Variants in SPON1 observed in about 807,000 individuals in gnomAD.
The protein encoded by SPON1 is spondin-1.
Under a neutral mutation model 111.7 loss-of-function variants are expected in SPON1, and 52 were observed. That is an observed-to-expected ratio of 0.47 (90% confidence interval 0.37 to 0.59). The LOEUF is 0.59. Among genes scored for constraint, SPON1 ranks in the 20% least tolerant of loss-of-function variants. SPON1 has a pLI of 0.00. For missense variants in SPON1, 957 were observed against 1,068.5 expected (o/e 0.90, Z 1.46); for synonymous variants, 410 against 395.8 (o/e 1.04, Z -0.43).
intron 6 of SPON1, among the ~76,000 whole-genome samples, chr11:14,209,363 C>T (rs1848549761): frequency 6.6e-6 from 1 of 150,888 alleles, no homozygotes; most frequent in South Asian, 2.1e-4. Context: ...CTGCACCCAT[C>T]AACCCATCAT....
At chr11:14,223,043 T>A (rs1205342638) in intron 6 of SPON1, among the ~76,000 whole-genome samples, 2 of 152,192 alleles carry the variant, frequency 1.3e-5, no homozygotes, top group African/African-American at 4.8e-5. Context: ...GTTGTCTCCA[T>A]TTTTTAAAAA....
At chr11:14,260,514 A>T in intron 13 of SPON1, 74 bp from the exon 14 acceptor site, 1 of 1,513,486 alleles carries the variant, frequency 6.6e-7, no homozygotes, top group Non-Finnish European at 9.0e-7. Flanking sequence ...TCGGTGTGGA[A>T]CACTGTGGGG....
At chr11:14,206,352 C>G (rs1554936200) in intron 6 of SPON1, among the ~76,000 whole-genome samples, 1 of 152,098 alleles carries the variant, frequency 6.6e-6, no homozygotes, top group Non-Finnish European at 1.5e-5. Context: ...CACTACCACA[C>G]CTGGGTAATT....
At position 14,205,965 on chromosome 11, in the gene SPON1, C is replaced by T. The variant is rs183663681; in HGVS notation, c.826-37367C>T. On this transcript the variant is annotated intron_variant, in intron 6 of 15. Coordinates refer to ENST00000576479, the MANE Select transcript of SPON1 (RefSeq NM_006108.4). ...TGCTACTTTCCCCATCCATCTTCAC[C>T]TGCTTGATTCCTGATATTTGAGTTT... Among the ~76,000 whole-genome samples the T allele has an allele frequency of 3.3e-5, 5 of 152,252 alleles. No homozygotes were observed. The East Asian group carries it at 9.6e-4, about 29-fold the overall frequency.
At chr11:14,136,049 T>G (rs1847588213) in intron 6 of SPON1, among the ~76,000 whole-genome samples, 1 of 152,222 alleles carries the variant, frequency 6.6e-6, no homozygotes, top group Non-Finnish European at 1.5e-5. Flanking sequence ...CTGTGTCCTA[T>G]GCTGTGTGGG....
At chr11:14,202,702 C>T (rs1373044406) in intron 6 of SPON1, among the ~76,000 whole-genome samples, 5 of 152,274 alleles carry the variant, frequency 3.3e-5, no homozygotes, top group East Asian at 1.9e-4. Context: ...CATGCTTAAC[C>T]GTTAGGGAAA....
At chr11:14,091,647 C>A (rs1206425956) in intron 5 of SPON1, among the ~76,000 whole-genome samples, 1 of 152,214 alleles carries the variant, frequency 6.6e-6, no homozygotes, top group Non-Finnish European at 1.5e-5. Context: ...AGCCCACGCC[C>A]ACCCAGAACT....
intron 2 of SPON1, among the ~76,000 whole-genome samples, chr11:13,990,144 G>A (rs1313945553): frequency 1.3e-5 from 2 of 151,880 alleles, no homozygotes; most frequent in African/African-American, 2.4e-5. Context: ...TTGGCAGTGG[G>A]GTGTTAAAGT....
intron 2 of SPON1, among the ~76,000 whole-genome samples, chr11:14,038,121 G>A (rs952141774): frequency 7.2e-5 from 11 of 151,818 alleles, no homozygotes; most frequent in South Asian, 6.2e-4. Context: ...AGCCGAGATC[G>A]TGCCACTGCA....
chr11:14,128,528 CG>C (rs1253616886), intron 5 of SPON1, among the ~76,000 whole-genome samples: 2 of 152,212 alleles, frequency 1.3e-5, no homozygotes, highest in African/African-American at 4.8e-5. Flanking sequence ...ACAGCCCCCG[CG>C]GATGCTTTCA....
intron 7 of SPON1, among the ~76,000 whole-genome samples, chr11:14,244,710 G>A (rs1430559781): frequency 6.6e-6 from 1 of 152,138 alleles, no homozygotes; most frequent in East Asian, 1.9e-4. Flanking sequence ...TCGCACCACT[G>A]CACTCCAGCC....
chr11:14,078,918 TC>T (rs1160481051), intron 4 of SPON1, among the ~76,000 whole-genome samples: 1 of 152,152 alleles, frequency 6.6e-6, no homozygotes, highest in African/African-American at 2.4e-5. Flanking sequence ...CAAAAGGAAG[TC>T]TTGTAAAATG....
At chr11:14,254,439 C>G (rs1849084763) in intron 7 of SPON1, 89 bp from the exon 8 acceptor site, 2 of 1,205,688 alleles carry the variant, frequency 1.7e-6, no homozygotes, top group Non-Finnish European at 2.3e-6. Flanking sequence ...CTCTGTCCCT[C>G]TCATTCTTCA....
chr11:14,169,024 G>A (rs1265090108), intron 6 of SPON1, among the ~76,000 whole-genome samples: 1 of 152,110 alleles, frequency 6.6e-6, no homozygotes, highest in Middle Eastern at 3.2e-3. Context: ...CCCAGTAATG[G>A]GATGGCTGGG....
chr11:14,233,234 A>C (rs1209739177), intron 6 of SPON1, among the ~76,000 whole-genome samples: 1 of 151,896 alleles, frequency 6.6e-6, no homozygotes, highest in Non-Finnish European at 1.5e-5. Context: ...CTCACATCCA[A>C]TCCATCAGCA....
chr11:14,188,515 A>G (rs911405804), intron 6 of SPON1, among the ~76,000 whole-genome samples: 2 of 152,198 alleles, frequency 1.3e-5, no homozygotes, highest in Non-Finnish European at 2.9e-5. Flanking sequence ...CTCTGAAATA[A>G]ATGTATTTCT....
chr11:14,155,923 A>G (rs12397804), intron 6 of SPON1, among the ~76,000 whole-genome samples: 21,032 of 98,802 alleles, frequency 0.21, 2,896 homozygotes, highest in East Asian at 0.38. Flanking sequence ...GGTTGGTTCC[A>G]AGTCTTTGCT....
intron 5 of SPON1, among the ~76,000 whole-genome samples, chr11:14,080,459 C>T (rs1161475427): frequency 1.3e-5 from 2 of 152,108 alleles, no homozygotes; most frequent in Non-Finnish European, 2.9e-5. Context: ...GAACACCTGA[C>T]CTCAGGTGCT....
intron 6 of SPON1, among the ~76,000 whole-genome samples, chr11:14,206,791 T>C (rs1273287760): frequency 6.6e-6 from 1 of 152,154 alleles, no homozygotes; most frequent in East Asian, 1.9e-4. Context: ...GTCATTATTG[T>C]GAAAACAGCC....
Sources: allele counts gnomAD v4.1 joint callset (sites outside exome capture counted in the v4.1 genomes callset), GRCh38; gene constraint gnomAD v4.1.1; transcripts MANE v1.5; gene names NCBI Gene and HGNC (gene_info 2026-07-23, HGNC 2026-07-21).